PCDHGB1: variants seen among roughly 807,000 people sequenced by gnomAD.
The protein encoded by PCDHGB1 is protocadherin gamma-B1.
Under a neutral mutation model 56.6 loss-of-function variants are expected in PCDHGB1, and 34 were observed. That is an observed-to-expected ratio of 0.60 (90% CI 0.46 to 0.80). PCDHGB1 has a LOEUF of 0.80. Ranked by LOEUF, PCDHGB1 falls within the 30% of genes least tolerant of loss-of-function variation. The pLI is 0.00. For synonymous variants in PCDHGB1, 561 were observed against 505.9 expected (o/e 1.11, Z -1.46); for missense variants, 1,278 against 1,204.6 (o/e 1.06, Z -0.90).
intron 1 of PCDHGB1, among the ~76,000 whole-genome samples, chr5:141,373,364 G>A (rs576808182): frequency 3.3e-5 from 5 of 152,214 alleles, no homozygotes; most frequent in Non-Finnish European, 7.3e-5. Flanking sequence ...GCACTGTAAT[G>A]AATTGGTTCA....
intron 1 of PCDHGB1, among the ~76,000 whole-genome samples, chr5:141,455,830 C>T (rs928219545): frequency 2.0e-5 from 3 of 151,170 alleles, no homozygotes; most frequent in African/African-American, 7.3e-5. Flanking sequence ...GACCCCTTTT[C>T]CTGTCTATCT....
chr5:141,359,760 G>C (rs1305895220), intron 1 of PCDHGB1, among the ~76,000 whole-genome samples: 2 of 152,148 alleles, frequency 1.3e-5, no homozygotes, highest in African/African-American at 4.8e-5. Flanking sequence ...ATCTAAAGCA[G>C]AGATGAAAGG....
At chr5:141,413,115 A>C in intron 1 of PCDHGB1, 1 of 1,507,478 alleles carries the variant, frequency 6.6e-7, no homozygotes, top group Non-Finnish European at 8.9e-7. Context: ...AGACAAAGGA[A>C]CCGGTTGAAA....
chr5:141,414,870 G>A (rs1325555474), intron 1 of PCDHGB1: 1 of 1,614,224 alleles, frequency 6.2e-7, no homozygotes, highest in Non-Finnish European at 8.5e-7. Context: ...ATGCGCCCGA[G>A]ATCCTGTACC....
intron 1 of PCDHGB1, chr5:141,421,909 C>T: frequency 1.9e-6 from 3 of 1,613,710 alleles, no homozygotes; most frequent in Non-Finnish European, 2.5e-6. Context: ...GGGCGCAGTT[C>T]CCATTCGTGT....
chr5:141,361,046 A>G, intron 1 of PCDHGB1: 1 of 1,613,710 alleles, frequency 6.2e-7, no homozygotes, highest in East Asian at 2.2e-5. Context: ...ATCACGACAA[A>G]GGATGATTTG....
At chr5:141,444,507 G>C (rs1213059531) in intron 1 of PCDHGB1, among the ~76,000 whole-genome samples, 1 of 152,068 alleles carries the variant, frequency 6.6e-6, no homozygotes, top group Non-Finnish European at 1.5e-5. Context: ...CTTTGCTCTA[G>C]CAGTATAGTA....
chr5:141,355,955 G>A (rs1334601429), intron 1 of PCDHGB1: 3 of 1,613,744 alleles, frequency 1.9e-6, no homozygotes, highest in South Asian at 1.1e-5. Flanking sequence ...GTAAGTGTTC[G>A]TGAGAACGTT....
chr5:141,443,588 A>T (rs1479393074), intron 1 of PCDHGB1, among the ~76,000 whole-genome samples: 3 of 152,240 alleles, frequency 2.0e-5, no homozygotes, highest in Non-Finnish European at 4.4e-5. Context: ...CTAAAACAGA[A>T]TGTGGTATAT....
chr5:141,371,455 A>G (rs1030277886), intron 1 of PCDHGB1: 3 of 1,613,904 alleles, frequency 1.9e-6, no homozygotes, highest in Non-Finnish European at 2.5e-6. Context: ...TCTGAATCCC[A>G]ACATATACAA....
Position 141,352,398 on chromosome 5 carries a change from G to T in PCDHGB1, c.2138G>T (p.Arg713Leu), listed in dbSNP as rs1212224200. 1 of 1,613,996 alleles carries T rather than the reference G, an allele frequency of 6.2e-7. No homozygotes were observed. Among genetic ancestry groups the T allele is most frequent in the East Asian group, 2.2e-5 (1 of 44,880 alleles). The change falls in exon 1 of 4, where the codon CGT becomes CTT. Residue 713 changes from arginine to leucine, a missense_variant. Arg to Leu is a moderately radical substitution (Grantham distance 102). Coordinates refer to ENST00000523390, the MANE Select transcript of PCDHGB1 (RefSeq NM_018922.3). Reference sequence around the variant, plus strand: ...CTAGCGATCGCCCTGCGCCTGCGACGTTCCTCCAGCCTCGACACTGAGGGC... The same window carrying T: ...CTAGCGATCGCCCTGCGCCTGCGACTTTCCTCCAGCCTCGACACTGAGGGC... ...VILAIALRLRRSSSLDTEGCF... is the reference protein window; with the variant it reads ...VILAIALRLRLSSSLDTEGCF...
chr5:141,427,805 A>G lies in PCDHGB1; in HGVS notation c.2410-67002A>G, dbSNP rs1010656936. The G allele has an allele frequency of 3.3e-6, 5 of 1,520,154 alleles. No homozygotes were observed. In the African/African-American group the frequency reaches 4.1e-5, roughly 12 times the overall value. 94.2% of individuals were successfully genotyped at this position (1,520,154 alleles called of 1,614,324 possible). ...TGTCGTCCTACGTGTCCGTGAGCGC[A>G]CAGAGCGGGGTGGTGGTCGCGCAGC... On this transcript the variant is annotated intron_variant, in intron 1 of 3. Coordinates refer to ENST00000523390, the MANE Select transcript of PCDHGB1 (RefSeq NM_018922.3).
At chr5:141,460,453 A>T (rs1487816393) in intron 1 of PCDHGB1, among the ~76,000 whole-genome samples, 3 of 152,152 alleles carry the variant, frequency 2.0e-5, no homozygotes, top group Non-Finnish European at 4.4e-5. Flanking sequence ...ATGAAGATTC[A>T]TATTTTTTTC....
chr5:141,383,476 G>A, intron 1 of PCDHGB1: 1 of 1,613,748 alleles, frequency 6.2e-7, no homozygotes, highest in Non-Finnish European at 8.5e-7. Flanking sequence ...TAAGTACCCG[G>A]AACTGGTGCT....
Position 141,490,148 on chromosome 5 carries a change from A to T in PCDHGB1, c.2410-4659A>T. On this transcript the variant is annotated intron_variant, in intron 1 of 3. Transcript: ENST00000523390. This position sits in a 1 kb window ranked among gnomAD's most constrained non-coding sequence, Gnocchi z 5.4. The stretch of plus-strand genomic sequence containing the variant: ...CTAGACCCTAGCAGTGGGGCAATCC[A>T]TGTGTTGGGTCCCATAGACTTTGAG... The T allele has an allele frequency of 6.2e-7, 1 of 1,614,232 alleles. No homozygotes were observed. The highest frequency in any genetic ancestry group is 1.3e-5 in the African/African-American group (1 of 75,068).
chr5:141,446,468 A>G (rs2098503159), intron 1 of PCDHGB1, among the ~76,000 whole-genome samples: 1 of 149,982 alleles, frequency 6.7e-6, no homozygotes, highest in African/African-American at 2.5e-5. Flanking sequence ...GTGATTAGAC[A>G]TATGGTCATC....
chr5:141,399,112 G>A, intron 1 of PCDHGB1: 1 of 1,613,794 alleles, frequency 6.2e-7, no homozygotes, highest in African/African-American at 1.3e-5. Context: ...ACAATGTACA[G>A]TTGAAATTAA....
In PCDHGB1 at chr5:141,491,425, C is replaced by CA; in HGVS notation, c.2410-3381dup. The CA allele has an allele frequency of 6.2e-7, 1 of 1,614,076 alleles. No homozygotes were observed. The highest frequency in any genetic ancestry group is 8.5e-7 in the Non-Finnish European group (1 of 1,179,996). On this transcript the variant is annotated intron_variant, in intron 1 of 3. Coordinates refer to ENST00000523390, the MANE Select transcript of PCDHGB1 (RefSeq NM_018922.3). The surrounding 1 kb of genome is among the most constrained non-coding windows in gnomAD (Gnocchi z 6.9). ...CGCAGACGGGGACGGGGGTGGAGGG[C>CA]AGTGCTGCAGGCGCCAGGACTCACC...
chr5:141,435,558 T>C (rs1401876733), intron 1 of PCDHGB1, among the ~76,000 whole-genome samples: 1 of 152,136 alleles, frequency 6.6e-6, no homozygotes, highest in Non-Finnish European at 1.5e-5. Flanking sequence ...TTTTGAGTGC[T>C]TTTTTTAGTA....
Sources: gnomAD v4.1 joint callset for allele counts (sites outside exome capture counted in the v4.1 genomes callset) on GRCh38, gnomAD v4.1.1 for gene constraint, Gnocchi (gnomAD v3.1) non-coding constraint, MANE v1.5 for transcripts, NCBI Gene and HGNC (gene_info 2026-07-23, HGNC 2026-07-21) for gene names.